Variants in SNTB1 observed in about 807,000 individuals in gnomAD.
The protein encoded by SNTB1 is beta-1-syntrophin.
Under a neutral mutation model 48.9 loss-of-function variants are expected in SNTB1, and 36 were observed. The ratio of observed to expected loss-of-function variants is 0.74; its 90% CI spans 0.56 to 0.97. The LOEUF (loss-of-function observed/expected upper bound fraction) is 0.97. Among genes scored for constraint, SNTB1 ranks in the 50% least tolerant of loss-of-function variants. SNTB1 has a pLI of 0.00. For missense variants in SNTB1, 786 were observed against 703.4 expected (o/e 1.12, Z -1.33); for synonymous variants, 299 against 294.6 (o/e 1.01, Z -0.15).
intron 1 of SNTB1, among the ~76,000 whole-genome samples, chr8:120,715,249 G>A (rs1045727678): frequency 3.3e-5 from 5 of 152,172 alleles, no homozygotes; most frequent in Admixed American, 6.5e-5. Flanking sequence ...CAAAACATGC[G>A]TTTTTTGGTC....
intron 1 of SNTB1, among the ~76,000 whole-genome samples, chr8:120,713,379 C>T (rs895467580): frequency 6.6e-6 from 1 of 152,174 alleles, no homozygotes; most frequent in African/African-American, 2.4e-5. Flanking sequence ...ACCCCCACCC[C>T]GCAGAAAAGT....
chr8:120,650,515 C>CA (rs923017545), intron 2 of SNTB1, among the ~76,000 whole-genome samples: 2 of 152,088 alleles, frequency 1.3e-5, no homozygotes, highest in African/African-American at 4.8e-5. Flanking sequence ...GAAAGGTCTA[C>CA]AAAATTCCTC....
At chr8:120,622,591 C>A (rs1405197252) in intron 3 of SNTB1, among the ~76,000 whole-genome samples, 1 of 151,896 alleles carries the variant, frequency 6.6e-6, no homozygotes, top group African/African-American at 2.4e-5. Flanking sequence ...ATGTGAGGGA[C>A]AAGGGAGCAA....
At chr8:120,566,903 G>A (rs1485369484) in intron 4 of SNTB1, among the ~76,000 whole-genome samples, 2 of 152,158 alleles carry the variant, frequency 1.3e-5, no homozygotes, top group African/African-American at 4.8e-5. Flanking sequence ...GAGGCCACCT[G>A]TTGCATGATT....
chr8:120,703,463 C>T (rs1818336396), intron 1 of SNTB1, among the ~76,000 whole-genome samples: 1 of 152,144 alleles, frequency 6.6e-6, no homozygotes, highest in South Asian at 2.1e-4. Flanking sequence ...GTCTCATAAC[C>T]AATCTTTATT....
At chr8:120,559,855 T>A (rs927868680) in intron 4 of SNTB1, among the ~76,000 whole-genome samples, 1 of 152,122 alleles carries the variant, frequency 6.6e-6, no homozygotes, top group Non-Finnish European at 1.5e-5. Flanking sequence ...GTAACTGGGT[T>A]GCTAAGCAAT....
intron 1 of SNTB1, among the ~76,000 whole-genome samples, chr8:120,774,309 G>A (rs1308606859): frequency 6.6e-6 from 1 of 152,242 alleles, no homozygotes; most frequent in Non-Finnish European, 1.5e-5. Flanking sequence ...CAGACATCCA[G>A]TGTGGCTGCA....
At chr8:120,646,643 C>G (rs1817302057) in intron 2 of SNTB1, among the ~76,000 whole-genome samples, 1 of 151,884 alleles carries the variant, frequency 6.6e-6, no homozygotes, top group Non-Finnish European at 1.5e-5. Context: ...TGTTGTGTCT[C>G]TGCCCGGCTT....
chr8:120,648,230 G>C (rs1402208928), intron 2 of SNTB1, among the ~76,000 whole-genome samples: 1 of 131,408 alleles, frequency 7.6e-6, no homozygotes, highest in African/African-American at 2.9e-5. Flanking sequence ...TGGTGATTTT[G>C]CTCGTTAGTT....
At chr8:120,712,059 T>C (rs539766308) in intron 1 of SNTB1, among the ~76,000 whole-genome samples, 132 of 152,312 alleles carry the variant, frequency 8.7e-4, no homozygotes, top group Admixed American at 1.8e-3. Context: ...CACTGAGAAT[T>C]CATGGAATTG....
intron 4 of SNTB1, among the ~76,000 whole-genome samples, chr8:120,550,682 T>C (rs999514649): frequency 6.6e-6 from 1 of 152,060 alleles, no homozygotes; most frequent in Non-Finnish European, 1.5e-5. Context: ...TTAAGCTCAA[T>C]TCATTCAGGA....
chr8:120,645,538 C>T (rs1346603737), intron 2 of SNTB1, among the ~76,000 whole-genome samples: 2 of 150,486 alleles, frequency 1.3e-5, no homozygotes, highest in Non-Finnish European at 3.0e-5. Context: ...TGTTTTGGTA[C>T]CAGTACCATG....
intron 2 of SNTB1, among the ~76,000 whole-genome samples, chr8:120,641,067 C>T (rs1817186298): frequency 6.6e-6 from 1 of 151,784 alleles, no homozygotes; most frequent in Non-Finnish European, 1.5e-5. Flanking sequence ...TTTCTTCATT[C>T]ATAGCCAAAG....
At chr8:120,671,009 T>A (rs542943714) in intron 2 of SNTB1, among the ~76,000 whole-genome samples, 1 of 152,356 alleles carries the variant, frequency 6.6e-6, no homozygotes, top group African/African-American at 2.4e-5. Context: ...TACTTTGGGA[T>A]GTTTGCCTTT....
At chr8:120,682,733 A>G (rs983253888) in intron 2 of SNTB1, among the ~76,000 whole-genome samples, 6 of 152,176 alleles carry the variant, frequency 3.9e-5, no homozygotes, top group African/African-American at 1.2e-4. Flanking sequence ...GACGATAGAT[A>G]GATAGATAGA....
intron 2 of SNTB1, among the ~76,000 whole-genome samples, chr8:120,634,064 C>G (rs969946831): frequency 6.6e-6 from 1 of 152,088 alleles, no homozygotes; most frequent in African/African-American, 2.4e-5. Context: ...TCCCCCACAC[C>G]CACCACTATC....
chr8:120,651,251 A>G (rs892026513), intron 2 of SNTB1, among the ~76,000 whole-genome samples: 1 of 152,240 alleles, frequency 6.6e-6, no homozygotes, highest in African/African-American at 2.4e-5. Context: ...AGGAAAAACT[A>G]AAAGGTTATA....
chr8:120,773,337 G>T (rs1403435287), intron 1 of SNTB1, among the ~76,000 whole-genome samples: 4 of 152,164 alleles, frequency 2.6e-5, no homozygotes, highest in African/African-American at 7.2e-5. Flanking sequence ...GAGCAACACA[G>T]TGAGACCCCA....
intron 2 of SNTB1, among the ~76,000 whole-genome samples, chr8:120,682,804 G>C (rs796639745): frequency 1.6e-4 from 24 of 151,972 alleles, no homozygotes; most frequent in African/African-American, 5.8e-4. Flanking sequence ...TCTGGTGGTA[G>C]AGGGCAGTCC....
Sources: allele counts gnomAD v4.1 joint callset (sites outside exome capture counted in the v4.1 genomes callset), GRCh38; gene constraint gnomAD v4.1.1; transcripts MANE v1.5; gene names NCBI Gene and HGNC (gene_info 2026-07-23, HGNC 2026-07-21).